The following GEMIN5 variants were observed in gnomAD, a reference collection of about 807,000 sequenced individuals.
GEMIN5 encodes the protein gem nuclear organelle associated protein 5.
Under a neutral mutation model 176.9 loss-of-function variants are expected in GEMIN5, and 124 were observed. The observed-to-expected ratio is 0.70, with a 90% CI of 0.61 to 0.81. GEMIN5 has a LOEUF of 0.81. Among genes scored for constraint, GEMIN5 ranks in the 40% least tolerant of loss-of-function variants. The pLI is 0.00. For missense variants in GEMIN5, 1,843 were observed against 1,814.6 expected (o/e 1.02, Z -0.28); for synonymous variants, 673 against 665.2 (o/e 1.01, Z -0.18).
At chr5:154,919,938 G>T (rs779201664) in intron 11 of GEMIN5, 29 bp downstream of exon 11, 1 of 1,600,922 alleles carries the variant, frequency 6.2e-7, no homozygotes, top group Non-Finnish European at 8.5e-7. Flanking sequence ...GATGTAAAAA[G>T]AAAATACTTC....
In GEMIN5 at chr5:154,898,546, T is replaced by C. The variant is rs754321014; in HGVS notation, c.3239A>G (p.Glu1080Gly). The C allele has an allele frequency of 1.9e-6, 3 of 1,614,050 alleles. No individual in the cohort carries two copies. The Admixed American group carries it at 5.0e-5, about 27-fold the overall frequency. ...AGCCAGGGAAGCAGACAACTCATCC[T>C]CTCCTACGATGGCAGCCAACTCTGC... ...TAAELAAIVG[E>G]DELSASLALR... is the part of the protein sequence containing the mutation. Residue 1080 changes from glutamate to glycine, a missense_variant, in exon 23 of 28, where the codon GAG (glutamate) becomes GGG (glycine). Transcript: ENST00000285873.
chr5:154,915,419 A>G (rs1763790305), intron 13 of GEMIN5, among the ~76,000 whole-genome samples: 1 of 152,212 alleles, frequency 6.6e-6, no homozygotes, highest in African/African-American at 2.4e-5. Flanking sequence ...CTCATATTTA[A>G]AACTGGCTCT....
chr5:154,936,139 G>C, intron 2 of GEMIN5, 117 bp from the exon 3 acceptor site: 1 of 668,400 alleles, frequency 1.5e-6, no homozygotes, highest in Non-Finnish European at 2.5e-6. Context: ...TAATACGGCC[G>C]GGCGCGGTGG....
In GEMIN5 at chr5:154,930,364, G is replaced by A. The variant is rs1445564345; in HGVS notation, c.781+1094C>T. On this transcript the variant is annotated intron_variant, in intron 5 of 27. Transcript: ENST00000285873. ...ATCTGTAAGGGCGCACCCTTCTATAGAAGTACATTGCCTTGCTGAGAATTA... is the reference window on the plus strand; with the variant it reads ...ATCTGTAAGGGCGCACCCTTCTATAAAAGTACATTGCCTTGCTGAGAATTA... 3.3e-5 allele frequency among the ~76,000 whole-genome samples: 5 copies of A among 152,328 alleles called. No individual in the cohort carries two copies. In the East Asian group the frequency reaches 9.6e-4, roughly 29 times the overall value.
At chr5:154,892,759 A>C (rs1763262551) in intron 24 of GEMIN5, 1 of 546,868 alleles carries the variant, frequency 1.8e-6, no homozygotes, top group Admixed American at 3.3e-5. Flanking sequence ...CCCGGTGTTA[A>C]AGTCTGTTCA....
At chr5:154,936,939 G>T in intron 2 of GEMIN5, 86 bp downstream of exon 2, 1 of 1,016,232 alleles carries the variant, frequency 9.8e-7, no homozygotes, top group Non-Finnish European at 1.5e-6. Context: ...ACTTTGCACA[G>T]ATGAGCTAGC....
intron 9 of GEMIN5, 25 bp from the exon 10 acceptor site, chr5:154,921,450 C>A: frequency 9.6e-7 from 1 of 1,044,142 alleles, no homozygotes; most frequent in Non-Finnish European, 1.4e-6. Flanking sequence ...GGAGAGAGAA[C>A]AAATGGAGAT....
intron 8 of GEMIN5, among the ~76,000 whole-genome samples, 199 bp from the exon 9 acceptor site, chr5:154,924,753 G>A (rs534241279): frequency 1.3e-5 from 2 of 152,260 alleles, no homozygotes; most frequent in Non-Finnish European, 1.5e-5. Context: ...ACTTTGGGAG[G>A]CAGAGGCGGG....
intron 15 of GEMIN5, among the ~76,000 whole-genome samples, chr5:154,909,474 T>C (rs1306119687): frequency 7.2e-5 from 11 of 152,208 alleles, no homozygotes; most frequent in Non-Finnish European, 1.6e-4. Flanking sequence ...TTTTATCCTT[T>C]GCTTACTTTA....
intron 7 of GEMIN5, among the ~76,000 whole-genome samples, chr5:154,927,141 T>C (rs1172079194): frequency 1.3e-5 from 2 of 152,130 alleles, no homozygotes; most frequent in African/African-American, 4.8e-5. Flanking sequence ...TAATACATCC[T>C]TCCCTGGGCA....
chr5:154,936,036 C>A lies in GEMIN5; in HGVS notation c.328-14G>T, dbSNP rs1561732601. 1.3e-6 allele frequency: 2 copies of A among 1,530,704 alleles called. No individual in the cohort carries two copies. The highest frequency in any genetic ancestry group is 8.8e-7 in the Non-Finnish European group (1 of 1,131,924). 94.8% of individuals were successfully genotyped at this position (1,530,704 alleles called of 1,614,324 possible). ...TGATATCGTATGCTTTAAAACAAAACAAAAATTTGTTATTGTCAATGCTGA... is the reference window on the plus strand; with the variant it reads ...TGATATCGTATGCTTTAAAACAAAAAAAAAATTTGTTATTGTCAATGCTGA... On this transcript the variant is annotated splice_polypyrimidine_tract_variant and intron_variant, in intron 2 of 27. Transcript: ENST00000285873.
intron 15 of GEMIN5, among the ~76,000 whole-genome samples, chr5:154,908,526 T>C (rs1050729703): frequency 1.3e-5 from 2 of 152,182 alleles, no homozygotes; most frequent in Non-Finnish European, 2.9e-5. Flanking sequence ...CAGGATCACA[T>C]GGTACATTTG....
chr5:154,925,023 A>G (rs1764001174), intron 8 of GEMIN5, among the ~76,000 whole-genome samples: 1 of 152,096 alleles, frequency 6.6e-6, no homozygotes, highest in South Asian at 2.1e-4. Context: ...CAAAAAAAAC[A>G]AAGTCAATGT....
rs953650887 is a variant in GEMIN5 at position 154,892,483 on chromosome 5, C to T, written c.3664G>A (p.Glu1222Lys). The change falls in exon 25 of 28, where the codon GAG (glutamate) becomes AAG (lysine). Residue 1222 changes from glutamate (E) to lysine (K), a missense_variant. Coordinates refer to ENST00000285873, the MANE Select transcript of GEMIN5 (RefSeq NM_015465.5). ...GCCCGAAGGAGCGCCTGCACAGCCT[C>T]GTCCCAGGAGGCCATCTGTTGGCTC... is the stretch of plus-strand genomic sequence containing the variant. Reference protein sequence around the residue: ...VLSQQMASWDEAVQALLRAVV... With the variant: ...VLSQQMASWDKAVQALLRAVV... The T allele has an allele frequency of 6.2e-6, 10 of 1,614,216 alleles. No homozygotes were observed. The South Asian group carries it at 7.7e-5, about 12-fold the overall frequency.
intron 12 of GEMIN5, 64 bp downstream of exon 12, chr5:154,917,867 G>A (rs1392246386): frequency 3.7e-5 from 39 of 1,040,946 alleles, no homozygotes; most frequent in Non-Finnish European, 5.8e-5. Flanking sequence ...GATGGCATTA[G>A]TCAGCTTGTG....
chr5:154,887,974 T>C lies in GEMIN5; in HGVS notation c.*236A>G, dbSNP rs971182603. The C allele has an allele frequency of 1.6e-5, 8 of 494,988 alleles. No individual in the cohort carries two copies. The highest frequency in any genetic ancestry group is 3.5e-5 in the Admixed American group (1 of 28,794). 30.7% of individuals were successfully genotyped at this position (494,988 alleles called of 1,614,324 possible). A position where few individuals can be genotyped will look rare whatever the true frequency, so the allele number is the denominator to read the frequency against. ...TCTGCAGGTGTTAGTTCTGAATAAC[T>C]ACTGTGGGCTTTTCATGATCTTCCC... On this transcript the variant is annotated 3_prime_UTR_variant, in exon 28 of 28. Transcript: ENST00000285873.
intron 11 of GEMIN5, 131 bp downstream of exon 11, chr5:154,919,836 T>C (rs1763885981): frequency 1.4e-6 from 1 of 737,450 alleles, no homozygotes; most frequent in Admixed American, 2.8e-5. Context: ...CACAGCCTTA[T>C]AAGAACATTT....
chr5:154,910,998 T>C (rs1284025936), intron 15 of GEMIN5, among the ~76,000 whole-genome samples: 2 of 152,134 alleles, frequency 1.3e-5, no homozygotes, highest in African/African-American at 4.8e-5. Flanking sequence ...GCACCTGGCC[T>C]CCTCTTACTT....
At position 154,925,907 on chromosome 5, in the gene GEMIN5, A is replaced by T. The variant is rs1222347816; in HGVS notation, c.1248T>A (p.Tyr416Ter). ...VWNTLSIKNN[Y>*]DVKNFWQGVK... ...CGCCTTGCCAAAAATTTTTCACATC[A>T]TAGTTGTTCTTTATGGAGAGTGTAT... Residue 416 changes from tyrosine (Y) to a stop codon, truncating the protein, a stop_gained, in exon 8 of 28, where the codon TAT becomes TAA. Transcript: ENST00000285873. LOFTEE classifies it high-confidence loss of function. The T allele has an allele frequency of 6.2e-7, 1 of 1,613,936 alleles. No individual in the cohort carries two copies. The highest frequency in any genetic ancestry group is 1.1e-5 in the South Asian group (1 of 91,070).
Sources: gnomAD v4.1 joint callset for allele counts (sites outside exome capture counted in the v4.1 genomes callset) on GRCh38, gnomAD v4.1.1 for gene constraint, MANE v1.5 for transcripts, NCBI Gene and HGNC (gene_info 2026-07-23, HGNC 2026-07-21) for gene names.